DEUP1: variants seen among roughly 807,000 people sequenced by gnomAD.
DEUP1 encodes the protein coiled-coil domain containing 67.
Under a neutral mutation model 87.4 loss-of-function variants are expected in DEUP1, and 82 were observed. That is an observed-to-expected ratio of 0.94 (90% CI 0.78 to 1.13). The LOEUF (loss-of-function observed/expected upper bound fraction) is 1.13. DEUP1 is among the 50% of genes most tolerant of loss of function. The probability of loss-of-function intolerance (pLI) is 0.00; values close to 1 mark genes in which losing one functional copy is unlikely to be tolerated. For missense variants in DEUP1, 663 were observed against 681.5 expected (o/e 0.97, Z 0.30); for synonymous variants, 214 against 222.7 (o/e 0.96, Z 0.35).
intron 13 of DEUP1, among the ~76,000 whole-genome samples, chr11:93,416,528 C>A (rs1947636313): frequency 6.6e-6 from 1 of 151,742 alleles, no homozygotes; most frequent in African/African-American, 2.4e-5. Context: ...GAAATTGTGG[C>A]AATAATCAAT....
At chr11:93,402,939 A>G (rs1289415039) in intron 11 of DEUP1, among the ~76,000 whole-genome samples, 2 of 151,904 alleles carry the variant, frequency 1.3e-5, no homozygotes, top group African/African-American at 4.8e-5. Flanking sequence ...AATATTACCT[A>G]TTGTTCAACA....
chr11:93,332,345 C>T (rs1420976233), intron 2 of DEUP1, 57 bp downstream of exon 2: 2 of 1,398,780 alleles, frequency 1.4e-6, no homozygotes, highest in African/African-American at 1.4e-5. Flanking sequence ...CCAAAAACTT[C>T]CTGAGAACAC....
At chr11:93,396,847 A>C (rs1946961033) in intron 11 of DEUP1, among the ~76,000 whole-genome samples, 2 of 152,170 alleles carry the variant, frequency 1.3e-5, no homozygotes, top group East Asian at 3.9e-4. Flanking sequence ...TGGTTGATTT[A>C]AAAGAGGGAG....
chr11:93,391,925 T>C (rs12284622), intron 9 of DEUP1, among the ~76,000 whole-genome samples: 51,060 of 151,874 alleles, frequency 0.34, 9,361 homozygotes, highest in African/African-American at 0.47. Flanking sequence ...GTCTCTTAGT[T>C]TCCGCCTTGT....
intron 2 of DEUP1, among the ~76,000 whole-genome samples, chr11:93,342,826 G>C (rs1944146741): frequency 1.3e-5 from 2 of 152,182 alleles, no homozygotes; most frequent in Non-Finnish European, 2.9e-5. Context: ...ATATATTGGA[G>C]GTGGTGCCAG....
chr11:93,374,792 A>T (rs2895469), intron 7 of DEUP1, among the ~76,000 whole-genome samples: 36,797 of 151,710 alleles, frequency 0.24, 4,791 homozygotes, highest in South Asian at 0.38. Context: ...AATTCTAAGA[A>T]TTTTTTTCTA....
At chr11:93,380,728 T>C (rs1424382511) in intron 7 of DEUP1, among the ~76,000 whole-genome samples, 2 of 152,128 alleles carry the variant, frequency 1.3e-5, no homozygotes, top group Non-Finnish European at 2.9e-5. Context: ...TTAATGTGAC[T>C]GATATTTATA....
chr11:93,376,978 G>A (rs549313791), intron 7 of DEUP1, among the ~76,000 whole-genome samples: 3 of 152,302 alleles, frequency 2.0e-5, no homozygotes, highest in Non-Finnish European at 4.4e-5. Context: ...TGTGGTCTGA[G>A]AGAGTACTTG....
intron 2 of DEUP1, among the ~76,000 whole-genome samples, chr11:93,349,507 AC>A (rs889369701): frequency 1.3e-5 from 2 of 151,560 alleles, no homozygotes; most frequent in Non-Finnish European, 2.9e-5. Context: ...GATCTGTGAG[AC>A]CCCCTCTGAG....
chr11:93,332,017 G>T (rs144027817), intron 1 of DEUP1, among the ~76,000 whole-genome samples, 199 bp from the exon 2 acceptor site: 8,169 of 152,138 alleles, frequency 0.054, 369 homozygotes, highest in Middle Eastern at 0.078. Context: ...CTCCAGCCTG[G>T]GCCACAGAGC....
chr11:93,360,905 C>CAAAAAAAAA (rs35572726), intron 4 of DEUP1, among the ~76,000 whole-genome samples: 1 of 82,390 alleles, frequency 1.2e-5, no homozygotes, highest in Non-Finnish European at 2.5e-5. Context: ...CAAAACTTAG[C>CAAAAAAAAA]AAAAAAAAAA....
intron 7 of DEUP1, among the ~76,000 whole-genome samples, chr11:93,381,922 T>C (rs531340287): frequency 1.1e-4 from 17 of 152,284 alleles, no homozygotes; most frequent in African/African-American, 3.8e-4. Context: ...CTTTTTTTCA[T>C]ACTAAGTCTT....
intron 9 of DEUP1, among the ~76,000 whole-genome samples, chr11:93,389,862 A>C (rs1345825003): frequency 6.6e-6 from 1 of 151,956 alleles, no homozygotes; most frequent in African/African-American, 2.4e-5. Flanking sequence ...TTGGCTCAGT[A>C]GTTATTTATT....
Position 93,334,144 on chromosome 11 carries a change from C to T in DEUP1, c.29+1856C>T, listed in dbSNP as rs1005015511. Among the ~76,000 whole-genome samples the T allele has an allele frequency of 2.6e-5, 4 of 152,264 alleles. No homozygotes were observed. The South Asian group carries it at 8.3e-4, about 32-fold the overall frequency. On this transcript the variant is annotated intron_variant, in intron 2 of 13. Transcript: ENST00000298050. The stretch of plus-strand genomic sequence containing the variant: ...ACTCATCACAGTAGACATGGGTCCA[C>T]ACACTGCCTACCACGGTCTCCAAAG...
At chr11:93,356,382 A>G (rs1226686857) in intron 3 of DEUP1, among the ~76,000 whole-genome samples, 1 of 152,196 alleles carries the variant, frequency 6.6e-6, no homozygotes, top group African/African-American at 2.4e-5. Flanking sequence ...AAAACATGGC[A>G]TATGCATTCT....
intron 9 of DEUP1, among the ~76,000 whole-genome samples, chr11:93,393,061 T>C (rs1946819915): frequency 7.3e-6 from 1 of 137,588 alleles, no homozygotes; most frequent in African/African-American, 2.8e-5. Context: ...CTCCTCCTCC[T>C]CCTCCTTCTT....
intron 11 of DEUP1, among the ~76,000 whole-genome samples, chr11:93,398,034 A>G (rs1356957845): frequency 6.6e-6 from 1 of 152,030 alleles, no homozygotes; most frequent in Non-Finnish European, 1.5e-5. Flanking sequence ...TACCCGCATT[A>G]TACCCCCTCC....
At chr11:93,416,006 G>A (rs2608216) in intron 13 of DEUP1, among the ~76,000 whole-genome samples, 126,852 of 152,004 alleles carry the variant, frequency 0.83, 53,043 homozygotes, top group East Asian at 0.91. Flanking sequence ...CACTGGGTAT[G>A]CATACCTAAA....
At chr11:93,391,508 G>T (rs1478783419) in intron 9 of DEUP1, among the ~76,000 whole-genome samples, 1 of 151,996 alleles carries the variant, frequency 6.6e-6, no homozygotes, top group Admixed American at 6.6e-5. Context: ...AGGAGTTTGA[G>T]ACCATCCTGG....
Sources: allele counts gnomAD v4.1 joint callset (sites outside exome capture counted in the v4.1 genomes callset), GRCh38; gene constraint gnomAD v4.1.1; transcripts MANE v1.5; gene names NCBI Gene and HGNC (gene_info 2026-07-23, HGNC 2026-07-21).